HLF: variants seen among roughly 807,000 people sequenced by gnomAD.
HLF encodes HLF transcription factor, PAR bZIP family member.
In HLF, 3 loss-of-function variants were observed where a neutral mutation model predicts 22.6. That is an observed-to-expected ratio of 0.13 (90% CI 0.06 to 0.34). The LOEUF is 0.34. Among genes scored for constraint, HLF ranks in the 10% least tolerant of loss-of-function variants. The pLI is 1.00. For missense variants in HLF, 299 were observed against 389.2 expected (o/e 0.77, Z 1.95); for synonymous variants, 151 against 151.8 (o/e 0.99, Z 0.04).
Position 55,267,902 on chromosome 17 carries a change from G to T in HLF, c.267G>T (p.Glu89Asp). 6.2e-7 allele frequency: 1 copy of T among 1,614,146 alleles called. No homozygotes were observed. The part of the protein sequence containing the change: ...DTFQLEYMDL[E>D]EFLSENGIPP... ...TCCAGTTGGAATACATGGACCTGGA[G>T]GAGTTTTTGTCAGAAAATGGCATTC... Residue 89 changes from glutamate to aspartate, a missense_variant, in exon 2 of 4, where the codon GAG becomes GAT. Coordinates refer to ENST00000226067, the MANE Select transcript of HLF (RefSeq NM_002126.5).
At chr17:55,300,709 T>C (rs1251900961) in intron 2 of HLF, among the ~76,000 whole-genome samples, 2 of 152,200 alleles carry the variant, frequency 1.3e-5, no homozygotes. Context: ...TTAATAACTC[T>C]TGAATCCACC....
chr17:55,311,274 A>G (rs995756458), intron 2 of HLF, among the ~76,000 whole-genome samples: 6 of 152,196 alleles, frequency 3.9e-5, no homozygotes, highest in African/African-American at 1.4e-4. Flanking sequence ...CCTGGCCAAC[A>G]TGGTGAAACC....
chr17:55,280,494 C>T (rs2080943614), intron 2 of HLF, among the ~76,000 whole-genome samples: 1 of 152,314 alleles, frequency 6.6e-6, no homozygotes, highest in Admixed American at 6.5e-5. Context: ...TGGTGCTATG[C>T]CTGGAAGATC....
chr17:55,271,564 C>G (rs1232648089), intron 2 of HLF: 2 of 152,150 alleles, frequency 1.3e-5, no homozygotes, highest in Non-Finnish European at 2.9e-5. Flanking sequence ...GAGTCTAGCT[C>G]CATCACCCAG....
rs770825762 is a variant in HLF at position 55,324,723 on chromosome 17, G to A, written c.*3844G>A. The stretch of plus-strand genomic sequence containing the variant: ...ATTAATAATGTCATTTAAAAAATGA[G>A]CAAAGCCTTATCCGAATCGGATATA... On this transcript the variant is annotated 3_prime_UTR_variant, in exon 4 of 4. Transcript: ENST00000226067. 1.4e-4 allele frequency: 33 copies of A among 233,180 alleles called. No individual in the cohort carries two copies. The highest frequency in any genetic ancestry group is 1.8e-4 in the East Asian group (3 of 16,584). The allele number at this position is 233,180 out of a possible 1,614,324, so 14.4% of individuals were successfully genotyped here.
At chr17:55,277,592 A>G (rs2080916904) in intron 2 of HLF, among the ~76,000 whole-genome samples, 1 of 150,724 alleles carries the variant, frequency 6.6e-6, no homozygotes, top group Non-Finnish European at 1.5e-5. Flanking sequence ...GAGTACTAGT[A>G]AAGGAAAGGG....
intron 2 of HLF, among the ~76,000 whole-genome samples, chr17:55,302,894 A>C (rs1417896671): frequency 3.3e-5 from 5 of 152,206 alleles, no homozygotes; most frequent in Admixed American, 2.6e-4. Context: ...AGCCCATCCT[A>C]GGGGGACCGA....
intron 3 of HLF, among the ~76,000 whole-genome samples, chr17:55,315,844 T>C (rs1905044943): frequency 6.6e-6 from 1 of 152,218 alleles, no homozygotes. Flanking sequence ...TTACCTTCCT[T>C]TTAGAAAATT....
chr17:55,273,509 C>G (rs909954622), intron 2 of HLF: 3 of 152,256 alleles, frequency 2.0e-5, no homozygotes, highest in Non-Finnish European at 4.4e-5. Context: ...CCAACACTTA[C>G]AGCCTGACCT....
At chr17:55,297,238 T>A (rs1327887098) in intron 2 of HLF, among the ~76,000 whole-genome samples, 1 of 152,238 alleles carries the variant, frequency 6.6e-6, no homozygotes, top group Non-Finnish European at 1.5e-5. Flanking sequence ...TTGATACTTT[T>A]CTTGTTATTC....
chr17:55,268,129 G>A (rs916103150), intron 2 of HLF, 43 bp downstream of exon 2: 1 of 1,380,916 alleles, frequency 7.2e-7, no homozygotes, highest in Admixed American at 2.3e-5. Context: ...GGAGGAGGAG[G>A]GTGAATGGGA....
chr17:55,302,591 G>A (rs982727564), intron 2 of HLF, among the ~76,000 whole-genome samples: 2 of 152,190 alleles, frequency 1.3e-5, no homozygotes, highest in African/African-American at 4.8e-5. Flanking sequence ...GTGAACATCA[G>A]CGAATATTGT....
At chr17:55,291,455 A>G (rs1039506799) in intron 2 of HLF, among the ~76,000 whole-genome samples, 1 of 152,234 alleles carries the variant, frequency 6.6e-6, no homozygotes, top group Non-Finnish European at 1.5e-5. Context: ...CAAAGCCTGG[A>G]TAACAGCACA....
At position 55,275,242 on chromosome 17, in the gene HLF, T is replaced by A. The variant is rs142697241; in HGVS notation, c.451+7156T>A. On this transcript the variant is annotated intron_variant, in intron 2 of 3. Transcript: ENST00000226067. ...TCCCAAGTAGCTGGGACTACAGGCA[T>A]GCACCACCACACCTGGCTAATTTTT... Among the ~76,000 whole-genome samples the A allele has an allele frequency of 5.7e-3, 870 of 152,216 alleles. 9 individuals carry two copies. Among genetic ancestry groups the A allele is most frequent in the African/African-American group, 0.019 (787 of 41,512 alleles).
chr17:55,277,298 T>A (rs2080914339), intron 2 of HLF, among the ~76,000 whole-genome samples: 2 of 121,388 alleles, frequency 1.6e-5, no homozygotes, highest in East Asian at 5.3e-4. Flanking sequence ...TACGTGGGCA[T>A]GCGTGCATTT....
At chr17:55,283,655 G>C (rs189078479) in intron 2 of HLF, 2 of 152,284 alleles carry the variant, frequency 1.3e-5, no homozygotes, top group Admixed American at 1.3e-4. Flanking sequence ...CCTTGGTCAC[G>C]AGACAGGAAT....
At chr17:55,295,494 G>A (rs554340740) in intron 2 of HLF, among the ~76,000 whole-genome samples, 40 of 152,362 alleles carry the variant, frequency 2.6e-4, no homozygotes, top group African/African-American at 8.7e-4. Flanking sequence ...GAACTTTGCC[G>A]CCTGGCAAGG....
At chr17:55,307,603 A>G (rs901582196) in intron 2 of HLF, among the ~76,000 whole-genome samples, 1 of 152,160 alleles carries the variant, frequency 6.6e-6, no homozygotes, top group Admixed American at 6.5e-5. Flanking sequence ...AATAAGAATT[A>G]AAATTTGCCC....
intron 2 of HLF, among the ~76,000 whole-genome samples, chr17:55,276,956 G>A (rs2080909233): frequency 6.6e-6 from 1 of 152,088 alleles, no homozygotes. Flanking sequence ...TTCAAAACAC[G>A]ATGTTCTAAT....
Sources: gnomAD v4.1 joint callset for allele counts (sites outside exome capture counted in the v4.1 genomes callset) on GRCh38, gnomAD v4.1.1 for gene constraint, MANE v1.5 for transcripts, NCBI Gene and HGNC (gene_info 2026-07-23, HGNC 2026-07-21) for gene names.